Variants in ASPG observed in about 807,000 individuals in gnomAD.
The protein encoded by ASPG is asparaginase.
A neutral mutation model predicts 63.2 loss-of-function variants in ASPG; 53 were observed. The observed-to-expected ratio is 0.84, with a 90% confidence interval of 0.67 to 1.05. The LOEUF is 1.05. Among genes scored for constraint, ASPG ranks in the 50% least tolerant of loss-of-function variants. The probability of loss-of-function intolerance (pLI) is 0.00; values close to 1 mark genes in which losing one functional copy is unlikely to be tolerated. For synonymous variants in ASPG, 370 were observed against 355.0 expected (o/e 1.04, Z -0.48); for missense variants, 741 against 794.4 (o/e 0.93, Z 0.81).
In ASPG at chr14:104,091,823, G is replaced by A. The variant is rs2036378763; in HGVS notation, c.83-810G>A. Among the ~76,000 whole-genome samples the A allele has an allele frequency of 6.6e-6, 1 of 151,518 alleles. No individual in the cohort carries two copies. Among genetic ancestry groups the A allele is most frequent in the African/African-American group, 2.4e-5 (1 of 41,272 alleles). ...ATTGCTGCTGGGGGAGGGAAGGGAG[G>A]GCCGGGAGGGAGCTTTGGGACTTGC... On this transcript the variant is annotated intron_variant, in intron 1 of 15. Coordinates refer to ENST00000551177, the MANE Select transcript of ASPG (RefSeq NM_001080464.3). This position sits in a 1 kb window ranked among gnomAD's most constrained non-coding sequence, Gnocchi z 6.4.
chr14:104,111,696 G>A (rs1472899861), intron 14 of ASPG, 95 bp downstream of exon 14: 6 of 1,035,290 alleles, frequency 5.8e-6, no homozygotes, highest in East Asian at 5.2e-5. Flanking sequence ...GCCCCTCCCC[G>A]CTCTGCCCCT....
rs1020309234 is a variant in ASPG, at chr14:104,112,809, G to T, written c.*265G>T. ...CAGGCTCTGTGGGGTCTCTGCGGGG[G>T]TCACTTGGCCCATCCTTCCGGGGGC... On this transcript the variant is annotated 3_prime_UTR_variant, in exon 16 of 16. Transcript: ENST00000551177. 4.4e-5 allele frequency: 29 copies of T among 660,082 alleles called. 1 individual carries two copies. The highest frequency in any genetic ancestry group is 4.4e-4 in the Middle Eastern group (1 of 2,288). The allele number at this position is 660,082 out of a possible 1,614,324, so 40.9% of individuals were successfully genotyped here. A position where few individuals can be genotyped will look rare whatever the true frequency, so the allele number is the denominator to read the frequency against.
chr14:104,096,979 CA>C (rs1260416265), intron 4 of ASPG, among the ~76,000 whole-genome samples: 5 of 152,250 alleles, frequency 3.3e-5, no homozygotes, highest in Non-Finnish European at 5.9e-5. Context: ...CCATGCTAGA[CA>C]CAGGCAGCTG....
intron 1 of ASPG, among the ~76,000 whole-genome samples, chr14:104,087,884 G>C (rs1170920766): frequency 6.6e-6 from 1 of 152,236 alleles, no homozygotes; most frequent in Non-Finnish European, 1.5e-5. Flanking sequence ...GTCTGGGTGG[G>C]AAACAAGAGA....
intron 4 of ASPG, 32 bp from the exon 5 acceptor site, chr14:104,097,522 A>G (rs1178235238): frequency 6.5e-7 from 1 of 1,544,574 alleles, no homozygotes; most frequent in Non-Finnish European, 8.7e-7. Flanking sequence ...TGGGCTTCCC[A>G]GGCCTCAGCT....
At position 104,110,567 on chromosome 14, in the gene ASPG, C is replaced by T. The variant is rs894361874; in HGVS notation, c.1521-935C>T. ...CCCCTCGGCTAGGCCTTCCTAGGGGCCGGTGTGTGTGTGGGGCTTGGCCTC... is the reference window on the plus strand; with the variant it reads ...CCCCTCGGCTAGGCCTTCCTAGGGGTCGGTGTGTGTGTGGGGCTTGGCCTC... On this transcript the variant is annotated intron_variant, in intron 13 of 15. Transcript: ENST00000551177. This position sits in a 1 kb window ranked among gnomAD's most constrained non-coding sequence, Gnocchi z 4.7. 8 of 985,120 alleles carry T rather than the reference C, an allele frequency of 8.1e-6. No individual in the cohort carries two copies. The highest frequency in any genetic ancestry group is 9.6e-6 in the Non-Finnish European group (8 of 829,846). 61.0% of individuals were successfully genotyped at this position (985,120 alleles called of 1,614,324 possible).
Position 104,107,172 on chromosome 14 carries a change from G to A in ASPG, c.1270-10G>A. 6.5e-7 allele frequency: 1 copy of A among 1,547,664 alleles called. No homozygotes were observed. Among genetic ancestry groups the A allele is most frequent in the South Asian group, 1.2e-5 (1 of 81,050 alleles). On this transcript the variant is annotated splice_polypyrimidine_tract_variant and intron_variant, in intron 11 of 15. Coordinates refer to ENST00000551177, the MANE Select transcript of ASPG (RefSeq NM_001080464.3). ...TCCCTCAGGGGTCGCATGTCCTTGT[G>A]TTACTCCAGGGCAGTGACCTGGGCC...
chr14:104,111,494 A>G lies in ASPG; in HGVS notation c.1521-8A>G, dbSNP rs2037380577. 6.5e-7 allele frequency: 1 copy of G among 1,548,470 alleles called. No individual in the cohort carries two copies. ...CCCCAACAACTCCTCCTCTGCCCCC[A>G]CCCCCAGGCTGGCATACAGGGCCGA... On this transcript the variant is annotated splice_polypyrimidine_tract_variant and splice_region_variant and intron_variant, in intron 13 of 15. Transcript: ENST00000551177.
At chr14:104,106,039 C>G (rs1216375984) in intron 10 of ASPG, among the ~76,000 whole-genome samples, 1 of 152,258 alleles carries the variant, frequency 6.6e-6, no homozygotes, top group Non-Finnish European at 1.5e-5. Context: ...CTGCCCCGGC[C>G]TCAGTGCCTC....
chr14:104,099,457 G>A (rs992135226), intron 6 of ASPG, among the ~76,000 whole-genome samples: 2 of 152,128 alleles, frequency 1.3e-5, no homozygotes, highest in African/African-American at 2.4e-5. Context: ...GGCCAAGCCC[G>A]CCCCCTGGCC....
intron 6 of ASPG, among the ~76,000 whole-genome samples, chr14:104,099,929 A>T (rs1183476848): frequency 1.3e-5 from 2 of 152,210 alleles, no homozygotes; most frequent in Non-Finnish European, 2.9e-5. Flanking sequence ...GGACCAAAGC[A>T]GCTGTTCCTG....
chr14:104,107,657 G>A (rs947431307), intron 12 of ASPG, among the ~76,000 whole-genome samples: 3 of 152,196 alleles, frequency 2.0e-5, no homozygotes, highest in Non-Finnish European at 2.9e-5. Context: ...AGCAGGCTAC[G>A]TGGCAGCAGA....
rs1703191895 is a variant in ASPG at position 104,104,631 on chromosome 14, G to A, written c.946G>A (p.Gly316Arg). 1 of 1,608,066 alleles carries A rather than the reference G, an allele frequency of 6.2e-7. No homozygotes were observed. Among genetic ancestry groups the A allele is most frequent in the Admixed American group, 1.7e-5 (1 of 59,692 alleles). The change falls in exon 9 of 16, where the codon GGA becomes AGA. Residue 316 changes from glycine to arginine, a missense_variant. Coordinates refer to ENST00000551177, the MANE Select transcript of ASPG (RefSeq NM_001080464.3). ...TDYAAGMAMA[G>R]AGVISGFDMT... ...CGCCCCCTCCTCACAGGCCATGGCG[G>A]GAGCCGGCGTCATCTCAGGCTTCGA...
intron 6 of ASPG, among the ~76,000 whole-genome samples, chr14:104,099,411 C>G (rs950596874): frequency 6.6e-6 from 1 of 152,168 alleles, no homozygotes; most frequent in Admixed American, 6.5e-5. Context: ...GGGGCTGACT[C>G]GAGCGATCCT....
At chr14:104,105,752 GGGTGA>G (rs1341717599) in intron 10 of ASPG, among the ~76,000 whole-genome samples, 1 of 152,196 alleles carries the variant, frequency 6.6e-6, no homozygotes, top group Non-Finnish European at 1.5e-5. Flanking sequence ...GAAGAAGGGC[GGGTGA>G]GTGGGGGCGG....
intron 1 of ASPG, among the ~76,000 whole-genome samples, chr14:104,087,872 G>T (rs911816522): frequency 9.8e-5 from 15 of 152,350 alleles, no homozygotes; most frequent in African/African-American, 3.6e-4. Flanking sequence ...GTGAGGTCCT[G>T]TGTCTGGGTG....
At chr14:104,093,969 T>C (rs1348537161) in intron 3 of ASPG, among the ~76,000 whole-genome samples, 1 of 150,576 alleles carries the variant, frequency 6.6e-6, no homozygotes, top group Non-Finnish European at 1.5e-5. Context: ...TGGGCGGGGC[T>C]GGTGGATGGG....
In ASPG at chr14:104,092,630, C is replaced by T; in HGVS notation, c.83-3C>T. The stretch of plus-strand genomic sequence containing the variant: ...CCAGCATCCACCTGGACTCTGCCTG[C>T]AGTGCTTGTGCCCGGGACGGGCCTG... On this transcript the variant is annotated splice_polypyrimidine_tract_variant and splice_region_variant and intron_variant, in intron 1 of 15. Coordinates refer to ENST00000551177, the MANE Select transcript of ASPG (RefSeq NM_001080464.3). The T allele has an allele frequency of 3.3e-6, 5 of 1,534,690 alleles. No individual in the cohort carries two copies. The highest frequency in any genetic ancestry group is 1.2e-5 in the South Asian group (1 of 83,986).
At chr14:104,104,841 C>T in intron 9 of ASPG, 106 bp downstream of exon 9, 1 of 958,580 alleles carries the variant, frequency 1.0e-6, no homozygotes, top group Non-Finnish European at 1.5e-6. Context: ...GGGGCCGGTC[C>T]AGGGTGTGTC....
Sources: allele counts gnomAD v4.1 joint callset (sites outside exome capture counted in the v4.1 genomes callset), GRCh38; gene constraint gnomAD v4.1.1; non-coding constraint Gnocchi (gnomAD v3.1); transcripts MANE v1.5; gene names NCBI Gene and HGNC (gene_info 2026-07-23, HGNC 2026-07-21).